TTC9C: variants seen among roughly 807,000 people sequenced by gnomAD.
TTC9C encodes tetratricopeptide repeat protein 9C.
TTC9C carries 15 observed loss-of-function variants against 22.5 expected under a neutral mutation model. The observed-to-expected ratio is 0.67, with a 90% CI of 0.45 to 1.03. The LOEUF (loss-of-function observed/expected upper bound fraction) is 1.03. Ranked by LOEUF, TTC9C falls within the 50% of genes least tolerant of loss-of-function variation. The probability of loss-of-function intolerance (pLI) is 0.00; values close to 1 mark genes in which losing one functional copy is unlikely to be tolerated. For synonymous variants in TTC9C, 92 were observed against 86.8 expected, an observed-to-expected ratio of 1.06 and a Z score of -0.33; for missense variants, 244 against 214.6, an observed-to-expected ratio of 1.14 and a Z score of -0.86.
intron 2 of TTC9C, among the ~76,000 whole-genome samples, chr11:62,737,068 G>A (rs1045607896): frequency 2.6e-5 from 4 of 151,454 alleles, no homozygotes; most frequent in Non-Finnish European, 5.9e-5. Flanking sequence ...GCGTGGTGGC[G>A]GGCGCCTGTA....
intron 2 of TTC9C, among the ~76,000 whole-genome samples, chr11:62,737,540 C>G (rs2083926102): frequency 6.6e-6 from 1 of 151,984 alleles, no homozygotes; most frequent in Non-Finnish European, 1.5e-5. Context: ...GCAGAGTCAC[C>G]AAATGTATAG....
In TTC9C at chr11:62,738,548, TTCTG is replaced by T; in HGVS notation, c.*170_*173del. The T allele has an allele frequency of 3.8e-6, 2 of 530,974 alleles. No individual in the cohort carries two copies. Among genetic ancestry groups the T allele is most frequent in the South Asian group, 5.2e-5 (2 of 38,614 alleles). The allele number at this position is 530,974 out of a possible 1,614,324, so 32.9% of individuals were successfully genotyped here. On this transcript the variant is annotated 3_prime_UTR_variant, in exon 3 of 3. Transcript: ENST00000316461. Reference sequence around the variant, plus strand: ...CACTACTTAGACAGTCTGAGTCTTTTTCTGTCTATCCATCTGTTTATTTCTATAC... The same window carrying T: ...CACTACTTAGACAGTCTGAGTCTTTTTCTATCCATCTGTTTATTTCTATAC...
At position 62,738,612 on chromosome 11, in the gene TTC9C, T is replaced by A; in HGVS notation, c.*230T>A. 1 of 397,258 alleles carries A rather than the reference T, an allele frequency of 2.5e-6. No individual in the cohort carries two copies. The highest frequency in any genetic ancestry group is 4.6e-6 in the Non-Finnish European group (1 of 217,396). 24.6% of individuals were successfully genotyped at this position (397,258 alleles called of 1,614,324 possible). On this transcript the variant is annotated 3_prime_UTR_variant, in exon 3 of 3. Coordinates refer to ENST00000316461, the MANE Select transcript of TTC9C (RefSeq NM_173810.4). ...CATGTTATTGTTGCAGATATTTGGCTTGAGAAATATAATCAGAAAACATAC... is the reference window on the plus strand; with the variant it reads ...CATGTTATTGTTGCAGATATTTGGCATGAGAAATATAATCAGAAAACATAC...
chr11:62,732,342 C>T (rs926890982), intron 1 of TTC9C, among the ~76,000 whole-genome samples: 24 of 151,898 alleles, frequency 1.6e-4, no homozygotes, highest in Non-Finnish European at 5.9e-5. Context: ...GGCATGGTGG[C>T]TCATGTCTGT....
intron 2 of TTC9C, among the ~76,000 whole-genome samples, chr11:62,737,255 C>T (rs1416697100): frequency 6.6e-6 from 1 of 152,054 alleles, no homozygotes; most frequent in African/African-American, 2.4e-5. Flanking sequence ...GTGTGAATGC[C>T]AACAAATACA....
intron 1 of TTC9C, among the ~76,000 whole-genome samples, chr11:62,734,073 C>T (rs567636098): frequency 3.3e-5 from 5 of 151,512 alleles, no homozygotes; most frequent in African/African-American, 1.2e-4. Context: ...CTGAGGCCAG[C>T]GAATCACCTG....
intron 1 of TTC9C, among the ~76,000 whole-genome samples, chr11:62,733,568 A>G (rs1347047293): frequency 1.3e-5 from 2 of 152,154 alleles, no homozygotes; most frequent in African/African-American, 2.4e-5. Context: ...AAGAGATACA[A>G]TGAAGGTTAG....
At chr11:62,732,531 A>G (rs569278419) in intron 1 of TTC9C, among the ~76,000 whole-genome samples, 18 of 151,238 alleles carry the variant, frequency 1.2e-4, no homozygotes, top group African/African-American at 4.1e-4. Context: ...AATTGCTTGA[A>G]CCTGGGAGGC....
intron 1 of TTC9C, among the ~76,000 whole-genome samples, chr11:62,731,422 C>T (rs991130741): frequency 1.3e-5 from 2 of 152,052 alleles, no homozygotes; most frequent in Non-Finnish European, 2.9e-5. Context: ...TGTGGCGCAA[C>T]CCGGTCTCTA....
intron 1 of TTC9C, among the ~76,000 whole-genome samples, chr11:62,732,100 AT>A (rs1246754292): frequency 1.5e-5 from 2 of 131,652 alleles, no homozygotes; most frequent in African/African-American, 5.9e-5. Flanking sequence ...GGTTCACACC[AT>A]TCCCCTGCCT....
At chr11:62,735,812 C>T in intron 2 of TTC9C, 1 of 404,546 alleles carries the variant, frequency 2.5e-6, no homozygotes, top group Admixed American at 4.2e-5. Context: ...CAGACATACA[C>T]AATATATATG....
chr11:62,729,300 A>C (rs1357478853), intron 1 of TTC9C, among the ~76,000 whole-genome samples: 1 of 152,014 alleles, frequency 6.6e-6, no homozygotes, highest in Non-Finnish European at 1.5e-5. Flanking sequence ...GTTAAAACAC[A>C]ACCTCCTCGG....
At chr11:62,734,735 A>C (rs1267227641) in intron 1 of TTC9C, among the ~76,000 whole-genome samples, 2 of 152,144 alleles carry the variant, frequency 1.3e-5, no homozygotes, top group Non-Finnish European at 2.9e-5. Context: ...CTCCTACCTC[A>C]GCCTCCCAAA....
At chr11:62,734,835 A>G (rs2083892102) in intron 1 of TTC9C, among the ~76,000 whole-genome samples, 1 of 152,162 alleles carries the variant, frequency 6.6e-6, no homozygotes, top group South Asian at 2.1e-4. Flanking sequence ...GCCAAGCCTA[A>G]CTGGCTACTA....
chr11:62,730,631 T>A (rs953785616), intron 1 of TTC9C, among the ~76,000 whole-genome samples: 6 of 152,178 alleles, frequency 3.9e-5, no homozygotes, highest in Non-Finnish European at 7.3e-5. Flanking sequence ...TGGAGTGCAA[T>A]GGCACGATCT....
rs886729181 is a variant in TTC9C at position 62,728,672 on chromosome 11, G to A, written c.-177G>A. The stretch of plus-strand genomic sequence containing the variant: ...TGAGAAAAAGACTGCAGAAAGGAGA[G>A]GTGGGGCTTTCAGTAGAAACAAGCA... On this transcript the variant is annotated 5_prime_UTR_variant, in exon 1 of 3. Transcript: ENST00000316461. 2.8e-6 allele frequency: 2 copies of A among 707,064 alleles called. No homozygotes were observed. The highest frequency in any genetic ancestry group is 1.7e-5 in the African/African-American group (1 of 57,356). 43.8% of individuals were successfully genotyped at this position (707,064 alleles called of 1,614,324 possible). A position where few individuals can be genotyped will look rare whatever the true frequency, so the allele number is the denominator to read the frequency against.
In TTC9C at chr11:62,729,662, G is replaced by GCCTC. The variant is rs555916602; in HGVS notation, c.238+579_238+582dup. Among the ~76,000 whole-genome samples the GCCTC allele has an allele frequency of 7.9e-4, 114 of 144,804 alleles. 1 individual carries two copies. Among genetic ancestry groups the GCCTC allele is most frequent in the African/African-American group, 2.7e-3 (104 of 38,468 alleles). 95.0% of individuals were successfully genotyped at this position (144,804 alleles called of 152,430 possible). On this transcript the variant is annotated intron_variant, in intron 1 of 2. Transcript: ENST00000316461. Reference sequence around the variant, plus strand: ...GTGATTTCGGCTCACCGCAACCTCTGCCTCCCGAGTTCAAGCGATTCTCCT... The same window carrying GCCTC: ...GTGATTTCGGCTCACCGCAACCTCTGCCTCCCTCCCGAGTTCAAGCGATTCTCCT...
intron 1 of TTC9C, among the ~76,000 whole-genome samples, chr11:62,731,109 G>C (rs951724098): frequency 6.9e-6 from 1 of 145,204 alleles, no homozygotes; most frequent in African/African-American, 2.6e-5. Flanking sequence ...GGCTGGTCTC[G>C]AGCTCCTGAC....
chr11:62,735,787 G>A (rs2083904645), intron 2 of TTC9C: 1 of 647,718 alleles, frequency 1.5e-6, no homozygotes, highest in South Asian at 2.8e-5. Context: ...CATGTGTAGG[G>A]GGTTGATGCT....
Sources: gnomAD v4.1 joint callset for allele counts (sites outside exome capture counted in the v4.1 genomes callset) on GRCh38, gnomAD v4.1.1 for gene constraint, MANE v1.5 for transcripts, NCBI Gene and HGNC (gene_info 2026-07-23, HGNC 2026-07-21) for gene names.